Variants in DOCK1 observed in about 807,000 individuals in gnomAD.
The protein encoded by DOCK1 is dedicator of cytokinesis 1.
DOCK1 carries 138 observed loss-of-function variants against 262.7 expected under a neutral mutation model. That is an observed-to-expected ratio of 0.53 (90% CI 0.46 to 0.61). DOCK1 has a LOEUF of 0.61. Among genes scored for constraint, DOCK1 ranks in the 20% least tolerant of loss-of-function variants. The pLI is 0.00. For missense variants in DOCK1, 1,908 were observed against 2,370.7 expected, an observed-to-expected ratio of 0.80 and a Z score of 4.05; for synonymous variants, 866 against 867.4, an observed-to-expected ratio of 1.00 and a Z score of 0.03.
chr10:127,096,620 T>C (rs190339703), intron 23 of DOCK1, among the ~76,000 whole-genome samples: 6 of 152,192 alleles, frequency 3.9e-5, no homozygotes, highest in Admixed American at 3.9e-4. Flanking sequence ...TACTGAATAA[T>C]GTAGCCTGAA....
intron 23 of DOCK1, among the ~76,000 whole-genome samples, chr10:127,063,861 C>G (rs1210029152): frequency 6.6e-6 from 1 of 152,168 alleles, no homozygotes; most frequent in East Asian, 1.9e-4. Flanking sequence ...TTATAAGACA[C>G]AAGTGAATTG....
chr10:126,906,373 G>C (rs2030826923), intron 1 of DOCK1, among the ~76,000 whole-genome samples: 1 of 152,188 alleles, frequency 6.6e-6, no homozygotes, highest in African/African-American at 2.4e-5. Flanking sequence ...CTTGCGCCCC[G>C]GGGACCCGCA....
At chr10:127,115,921 A>G (rs1434646382) in intron 25 of DOCK1, among the ~76,000 whole-genome samples, 1 of 152,202 alleles carries the variant, frequency 6.6e-6, no homozygotes, top group Admixed American at 6.5e-5. Flanking sequence ...ATAGTGGCCA[A>G]AGCAGTGGAC....
intron 6 of DOCK1, among the ~76,000 whole-genome samples, chr10:126,992,866 C>T (rs2039911989): frequency 6.6e-6 from 1 of 151,924 alleles, no homozygotes. Context: ...ATGCATTGGG[C>T]TTCCATGGAC....
At chr10:126,937,305 A>G (rs1028366666) in intron 1 of DOCK1, among the ~76,000 whole-genome samples, 5 of 152,190 alleles carry the variant, frequency 3.3e-5, no homozygotes, top group Admixed American at 3.3e-4. Context: ...TGGGTGTACA[A>G]ATATCTCTTC....
chr10:126,934,213 T>A (rs1419497105), intron 1 of DOCK1, among the ~76,000 whole-genome samples: 1 of 152,238 alleles, frequency 6.6e-6, no homozygotes, highest in Admixed American at 6.5e-5. Flanking sequence ...GTATTTCTAT[T>A]GTCTTTAGTC....
At chr10:127,326,393 T>C (rs1019114390) in intron 29 of DOCK1, among the ~76,000 whole-genome samples, 8 of 152,220 alleles carry the variant, frequency 5.3e-5, no homozygotes, top group African/African-American at 1.9e-4. Context: ...AACAATGTTA[T>C]CAGAATCTTC....
Position 127,418,892 on chromosome 10 carries a change from G to A in DOCK1, c.4692+351G>A, listed in dbSNP as rs60527609. 7.9e-3 allele frequency among the ~76,000 whole-genome samples: 1,209 copies of A among 152,360 alleles called. 10 individuals carry two copies. The highest frequency in any genetic ancestry group is 0.028 in the African/African-American group (1,157 of 41,580). On this transcript the variant is annotated intron_variant, in intron 45 of 51. Transcript: ENST00000623213. The stretch of plus-strand genomic sequence containing the variant: ...CAAAAACACCAGAATATCAGGACTA[G>A]GGAGGTAGCGCTTTGACGGTGGAGG...
At position 127,404,381 on chromosome 10, in the gene DOCK1, C is replaced by T. The variant is rs577492568; in HGVS notation, c.4074C>T (p.Asp1358=). 2 of 1,613,962 alleles carry T rather than the reference C, an allele frequency of 1.2e-6. No individual in the cohort carries two copies. The highest frequency in any genetic ancestry group is 1.1e-5 in the South Asian group (1 of 91,028). ...NIVKVIRPKP[D]YFAVGYYGQG... Reference sequence around the variant, plus strand: ...TCAAAGTGATCAGGCCCAAGCCTGACTATTTTGCTGTTGGCTACTACGGAC... The same window carrying T: ...TCAAAGTGATCAGGCCCAAGCCTGATTATTTTGCTGTTGGCTACTACGGAC... Residue 1358 remains aspartate, a synonymous_variant, in exon 40 of 52, where the codon GAC becomes GAT. Coordinates refer to ENST00000623213, the MANE Select transcript of DOCK1 (RefSeq NM_001290223.2).
intron 27 of DOCK1, among the ~76,000 whole-genome samples, chr10:127,215,722 A>G (rs1179858383): frequency 1.3e-5 from 2 of 152,132 alleles, no homozygotes; most frequent in South Asian, 2.1e-4. Context: ...ACCTAAAGAA[A>G]AATAAGTAGG....
intron 37 of DOCK1, among the ~76,000 whole-genome samples, chr10:127,381,705 A>C (rs1445431653): frequency 6.6e-6 from 1 of 152,068 alleles, no homozygotes; most frequent in Non-Finnish European, 1.5e-5. Flanking sequence ...AATATCAAGA[A>C]GGAATTTTCC....
At chr10:127,186,146 G>A (rs1445079713) in intron 27 of DOCK1, among the ~76,000 whole-genome samples, 2 of 152,176 alleles carry the variant, frequency 1.3e-5, no homozygotes, top group Non-Finnish European at 2.9e-5. Context: ...AGGGTCTGGG[G>A]CATACCCAGG....
chr10:127,271,830 A>T (rs1251415926), intron 29 of DOCK1, among the ~76,000 whole-genome samples: 1 of 152,262 alleles, frequency 6.6e-6, no homozygotes, highest in Non-Finnish European at 1.5e-5. Context: ...TTGGAGAATA[A>T]AAGGCAGTTA....
chr10:126,938,302 C>T (rs1329201865), intron 1 of DOCK1, among the ~76,000 whole-genome samples: 3 of 152,360 alleles, frequency 2.0e-5, no homozygotes, highest in Non-Finnish European at 4.4e-5. Context: ...CCCGCCTCAG[C>T]ATCCCAAAGT....
At chr10:127,114,703 A>G (rs1317377578) in intron 25 of DOCK1, among the ~76,000 whole-genome samples, 1 of 151,934 alleles carries the variant, frequency 6.6e-6, no homozygotes, top group Non-Finnish European at 1.5e-5. Flanking sequence ...AATGCATGCC[A>G]GTGTACTCAT....
chr10:127,017,478 TACACAG>T (rs914583659), intron 12 of DOCK1, among the ~76,000 whole-genome samples: 1 of 141,912 alleles, frequency 7.0e-6, no homozygotes, highest in South Asian at 2.4e-4. Context: ...CGCATACAGA[TACACAG>T]ACACAGATAC....
chr10:127,336,756 G>A (rs1315480842), intron 29 of DOCK1, among the ~76,000 whole-genome samples: 2 of 152,050 alleles, frequency 1.3e-5, no homozygotes, highest in Non-Finnish European at 2.9e-5. Context: ...AGCCAGGATG[G>A]TCTCAATCTC....
Position 127,284,241 on chromosome 10 carries a change from G to A in DOCK1, c.3044+26812G>A, listed in dbSNP as rs534091297. On this transcript the variant is annotated intron_variant, in intron 29 of 51. Coordinates refer to ENST00000623213, the MANE Select transcript of DOCK1 (RefSeq NM_001290223.2). ...TTTCATATTTCCAGTTATTTTTTCT[G>A]TGGTGGTGTTTGCCCATCTCATTCG... Among the ~76,000 whole-genome samples the A allele has an allele frequency of 3.3e-5, 5 of 151,842 alleles. No homozygotes were observed. The South Asian group carries it at 1.0e-3, about 32-fold the overall frequency.
intron 25 of DOCK1, among the ~76,000 whole-genome samples, chr10:127,110,647 C>A (rs1322358363): frequency 6.6e-6 from 1 of 152,106 alleles, no homozygotes; most frequent in Non-Finnish European, 1.5e-5. Flanking sequence ...GGTTGTCTGT[C>A]CTGGGGAGGC....
Sources: gnomAD v4.1 joint callset for allele counts (sites outside exome capture counted in the v4.1 genomes callset) on GRCh38, gnomAD v4.1.1 for gene constraint, MANE v1.5 for transcripts, NCBI Gene and HGNC (gene_info 2026-07-23, HGNC 2026-07-21) for gene names.